The following ZNF71 variants were observed in gnomAD, a reference collection of about 807,000 sequenced individuals.
ZNF71 encodes the protein zinc finger protein 71, also known as endothelial zinc finger protein induced by tumor necrosis factor alpha.
In ZNF71, 3 loss-of-function variants were observed where a neutral mutation model predicts 6.7. The ratio of observed to expected loss-of-function variants is 0.45; its 90% CI spans 0.20 to 1.16. The LOEUF is 1.16. Ranked by LOEUF, ZNF71 falls within the 50% of genes most tolerant of loss-of-function variation. The probability of loss-of-function intolerance (pLI) is 0.25; values close to 1 mark genes in which losing one functional copy is unlikely to be tolerated. For missense variants in ZNF71, 688 were observed against 728.6 expected, an observed-to-expected ratio of 0.94 and a Z score of 0.64; for synonymous variants, 343 against 311.1, an observed-to-expected ratio of 1.10 and a Z score of -1.08.
intron 2 of ZNF71, among the ~76,000 whole-genome samples, chr19:56,611,901 T>A (rs951080312): frequency 6.6e-6 from 1 of 152,238 alleles, no homozygotes; most frequent in Non-Finnish European, 1.5e-5. Flanking sequence ...CCCTGACTTG[T>A]GGCAGCATAA....
At chr19:56,599,272 T>G (rs949443490) in intron 1 of ZNF71, among the ~76,000 whole-genome samples, 1 of 152,222 alleles carries the variant, frequency 6.6e-6, no homozygotes, top group African/African-American at 2.4e-5. Context: ...GAATTTGTCC[T>G]CATCTGTGTC....
chr19:56,608,550 G>A (rs181564428), intron 2 of ZNF71, among the ~76,000 whole-genome samples: 2 of 152,180 alleles, frequency 1.3e-5, no homozygotes, highest in East Asian at 3.9e-4. Context: ...ACCTTTTGGC[G>A]ATTGTGAATA....
At position 56,622,253 on chromosome 19, in the gene ZNF71, C is replaced by T. The variant is rs1447410948; in HGVS notation, c.1146C>T (p.Gly382=). ...SLTLHQRNHT[G]EKPYVCGECG... Reference sequence around the variant, plus strand: ...CCCTGCACCAGAGGAACCACACCGGCGAGAAGCCCTACGTGTGCGGCGAGT... The same window carrying T: ...CCCTGCACCAGAGGAACCACACCGGTGAGAAGCCCTACGTGTGCGGCGAGT... The change falls in exon 4 of 4, where the codon GGC becomes GGT. Residue 382 remains glycine, a synonymous_variant. Transcript: ENST00000599599. The T allele has an allele frequency of 6.8e-6, 11 of 1,605,980 alleles. No individual in the cohort carries two copies. Among genetic ancestry groups the T allele is most frequent in the Non-Finnish European group, 9.4e-6 (11 of 1,174,556 alleles).
chr19:56,619,870 G>C (rs890098231), intron 3 of ZNF71, among the ~76,000 whole-genome samples: 2 of 152,186 alleles, frequency 1.3e-5, no homozygotes, highest in African/African-American at 4.8e-5. Context: ...TAAATGCTGG[G>C]AATGAGTCCC....
chr19:56,618,279 G>A lies in ZNF71; in HGVS notation c.161-2989G>A, dbSNP rs549143018. Among the ~76,000 whole-genome samples, 367 of 152,248 alleles carry A rather than the reference G, an allele frequency of 2.4e-3. 4 individuals carry two copies. The highest frequency in any genetic ancestry group is 6.8e-3 in the Middle Eastern group (2 of 294). ...TCTCTGACTCCATTCTTGTATCTCC[G>A]TTTCCTCATCAGCAAAATGAGGATG... is the stretch of plus-strand genomic sequence containing the variant. On this transcript the variant is annotated intron_variant, in intron 3 of 3. Coordinates refer to ENST00000599599, the MANE Select transcript of ZNF71 (RefSeq NM_001370215.1). The surrounding 1 kb of genome is among the most constrained non-coding windows in gnomAD (Gnocchi z 4.6).
Position 56,621,647 on chromosome 19 carries a change from C to T in ZNF71, c.540C>T (p.Pro180=), listed in dbSNP as rs2044850489. 1.9e-6 allele frequency: 3 copies of T among 1,614,214 alleles called. No homozygotes were observed. Among genetic ancestry groups the T allele is most frequent in the Non-Finnish European group, 2.5e-6 (3 of 1,180,038 alleles). ...NFSSTSDLSK[P]PMPCEEKKTY... ...CCAGCACTTCAGACCTCAGTAAGCC[C>T]CCCATGCCCTGCGAGGAGAAGAAAA... is the stretch of plus-strand genomic sequence containing the variant. Residue 180 remains proline, a synonymous_variant, in exon 4 of 4, where the codon CCC becomes CCT. Transcript: ENST00000599599.
chr19:56,600,229 C>T (rs9749037), intron 1 of ZNF71, among the ~76,000 whole-genome samples: 1,972 of 11,394 alleles, frequency 0.17, 524 homozygotes, highest in African/African-American at 0.46. Context: ...CTCGCTCTGT[C>T]GCCCAGGTCG....
At chr19:56,616,358 A>G (rs912440175) in intron 3 of ZNF71, among the ~76,000 whole-genome samples, 9 of 152,166 alleles carry the variant, frequency 5.9e-5, no homozygotes, top group South Asian at 2.1e-4. Context: ...TGTGGGTCCA[A>G]TTCTGAATCC....
In ZNF71 at chr19:56,622,102, G is replaced by T; in HGVS notation, c.995G>T (p.Cys332Phe). The T allele has an allele frequency of 6.2e-7, 1 of 1,612,790 alleles. No homozygotes were observed. The highest frequency in any genetic ancestry group is 8.5e-7 in the Non-Finnish European group (1 of 1,179,080). The change falls in exon 4 of 4, where the codon TGC becomes TTC. Residue 332 changes from cysteine (C) to phenylalanine (F), a missense_variant. Physicochemically the swap from Cys to Phe is radical, Grantham distance 205. Transcript: ENST00000599599. ...RTHTGEKPYV[C>F]PECGRAFSQN... is the part of the protein sequence containing the mutation. ...CACACCGGGGAGAAGCCGTACGTGT[G>T]CCCCGAGTGCGGGCGAGCCTTCAGC...
chr19:56,602,391 C>T (rs886285351), intron 2 of ZNF71, among the ~76,000 whole-genome samples: 5 of 152,070 alleles, frequency 3.3e-5, no homozygotes, highest in Admixed American at 6.6e-5. Flanking sequence ...TCAGTTACGG[C>T]GGTATGTATT....
chr19:56,602,235 G>A (rs550219371), intron 2 of ZNF71, among the ~76,000 whole-genome samples: 4 of 152,182 alleles, frequency 2.6e-5, no homozygotes, highest in Non-Finnish European at 5.9e-5. Flanking sequence ...TGGTTTCCAA[G>A]TATTCTTTTT....
chr19:56,609,846 A>G (rs534234150), intron 2 of ZNF71: 91 of 144,908 alleles, frequency 6.3e-4, no homozygotes, highest in African/African-American at 2.3e-3. Flanking sequence ...TGTTCTGGAC[A>G]TTGTACATAA....
chr19:56,601,842 AGTG>A (rs1310374620), intron 2 of ZNF71, among the ~76,000 whole-genome samples: 2 of 152,168 alleles, frequency 1.3e-5, no homozygotes, highest in Non-Finnish European at 2.9e-5. Context: ...ACCTGTGGGA[AGTG>A]GTGGTTTAGA....
chr19:56,599,197 GGCACGGGTAGTGA>G (rs2044648131), intron 1 of ZNF71, among the ~76,000 whole-genome samples: 1 of 152,154 alleles, frequency 6.6e-6, no homozygotes, highest in Non-Finnish European at 1.5e-5. Context: ...AGGTGTTGGT[GGCACGGGTAGTGA>G]GCCCCCATCA....
chr19:56,605,334 G>A (rs917133040), intron 2 of ZNF71, among the ~76,000 whole-genome samples: 3 of 152,130 alleles, frequency 2.0e-5, no homozygotes, highest in Non-Finnish European at 4.4e-5. Context: ...AGCCCAAGCA[G>A]CCACAAGGAA....
In ZNF71 at chr19:56,619,249, C is replaced by T. The variant is rs113804813; in HGVS notation, c.161-2019C>T. On this transcript the variant is annotated intron_variant, in intron 3 of 3. Transcript: ENST00000599599. Reference sequence around the variant, plus strand: ...ATTGATGTTGTTGTGCAGCCATCACCGCCATCCATCCCCACAGCTCTTTTC... The same window carrying T: ...ATTGATGTTGTTGTGCAGCCATCACTGCCATCCATCCCCACAGCTCTTTTC... 1.5e-4 allele frequency among the ~76,000 whole-genome samples: 23 copies of T among 152,170 alleles called. 1 individual carries two copies. The highest frequency in any genetic ancestry group is 3.9e-4 in the East Asian group (2 of 5,174).
rs1213748914 is a variant in ZNF71, at chr19:56,622,465, G to A, written c.1358G>A (p.Gly453Glu). 1 of 1,587,208 alleles carries A rather than the reference G, an allele frequency of 6.3e-7. No homozygotes were observed. The highest frequency in any genetic ancestry group is 8.5e-7 in the Non-Finnish European group (1 of 1,170,702). ...ECYICKKHFTGRSSLIVHQIV... is the reference protein window; with the variant it reads ...ECYICKKHFTERSSLIVHQIV... ...TACATCTGCAAGAAGCACTTCACGG[G>A]GCGCTCGTCCCTCATCGTGCACCAG... Residue 453 changes from glycine (G) to glutamate (E), a missense_variant, in exon 4 of 4, where the codon GGG (glycine) becomes GAG (glutamate). Gly to Glu is a moderately conservative substitution (Grantham distance 98). Coordinates refer to ENST00000599599, the MANE Select transcript of ZNF71 (RefSeq NM_001370215.1).
At position 56,622,050 on chromosome 19, in the gene ZNF71, A is replaced by T; in HGVS notation, c.943A>T (p.Met315Leu). Reference sequence around the variant, plus strand: ...CTGCGGCAAGGCCTTCAGCCAGAACATGCACCTCATCGTGCACCAGCGCAC... The same window carrying T: ...CTGCGGCAAGGCCTTCAGCCAGAACTTGCACCTCATCGTGCACCAGCGCAC... ...GDCGKAFSQN[M>L]HLIVHQRTHT... Residue 315 changes from methionine (M) to leucine (L), a missense_variant, in exon 4 of 4, where the codon ATG (methionine) becomes TTG (leucine). Physicochemically the swap from Met to Leu is conservative, Grantham distance 15 (BLOSUM62 2). Coordinates refer to ENST00000599599, the MANE Select transcript of ZNF71 (RefSeq NM_001370215.1). 7 of 1,608,416 alleles carry T rather than the reference A, an allele frequency of 4.4e-6. No individual in the cohort carries two copies. Among genetic ancestry groups the T allele is most frequent in the Non-Finnish European group, 5.9e-6 (7 of 1,177,954 alleles).
In ZNF71 at chr19:56,622,236, C is replaced by G. The variant is rs1162137667; in HGVS notation, c.1129C>G (p.Gln377Glu). 2.5e-6 allele frequency: 4 copies of G among 1,608,392 alleles called. No homozygotes were observed. The highest frequency in any genetic ancestry group is 1.7e-5 in the Admixed American group (1 of 59,950). Residue 377 changes from glutamine (Q) to glutamate (E), a missense_variant, in exon 4 of 4, where the codon CAG (glutamine) becomes GAG (glutamate). Coordinates refer to ENST00000599599, the MANE Select transcript of ZNF71 (RefSeq NM_001370215.1). ...CAAGAGCTCCTCGCTCACCCTGCAC[C>G]AGAGGAACCACACCGGCGAGAAGCC... The part of the protein sequence containing the change: ...FNKSSSLTLH[Q>E]RNHTGEKPYV...
Sources: gnomAD v4.1 joint callset for allele counts (sites outside exome capture counted in the v4.1 genomes callset) on GRCh38, gnomAD v4.1.1 for gene constraint, Gnocchi (gnomAD v3.1) non-coding constraint, MANE v1.5 for transcripts, NCBI Gene and HGNC (gene_info 2026-07-23, HGNC 2026-07-21) for gene names.